Variants in EYA1 observed in about 807,000 individuals in gnomAD.
EYA1 encodes protein phosphatase EYA1.
A neutral mutation model predicts 82.0 loss-of-function variants in EYA1; 16 were observed. The observed-to-expected ratio is 0.20, with a 90% CI of 0.13 to 0.30. The LOEUF (loss-of-function observed/expected upper bound fraction) is 0.30. Ranked by LOEUF, EYA1 falls within the 10% of genes least tolerant of loss-of-function variation. The pLI is 1.00. For missense variants in EYA1, 633 were observed against 730.7 expected (o/e 0.87, Z 1.54); for synonymous variants, 261 against 264.4 (o/e 0.99, Z 0.12).
chr8:71,462,161 G>C (rs1808409645), intron 2 of EYA1, among the ~76,000 whole-genome samples: 1 of 152,112 alleles, frequency 6.6e-6, no homozygotes, highest in Non-Finnish European at 1.5e-5. Context: ...GAGCCTGTCT[G>C]CCTCCTGCCA....
At chr8:71,382,338 C>T (rs1022255279) in intron 2 of EYA1, among the ~76,000 whole-genome samples, 3 of 151,970 alleles carry the variant, frequency 2.0e-5, no homozygotes, top group Non-Finnish European at 4.4e-5. Flanking sequence ...AAAATATACA[C>T]CAATTTGTGA....
chr8:71,250,030 C>T (rs950278381), intron 11 of EYA1, among the ~76,000 whole-genome samples: 7 of 151,654 alleles, frequency 4.6e-5, no homozygotes, highest in African/African-American at 1.7e-4. Flanking sequence ...TTGTTCTTTG[C>T]TTTCTTGTTT....
At chr8:71,202,975 T>G (rs1807251375) in intron 17 of EYA1, among the ~76,000 whole-genome samples, 1 of 152,220 alleles carries the variant, frequency 6.6e-6, no homozygotes, top group Non-Finnish European at 1.5e-5. Flanking sequence ...TTATAAAAGC[T>G]TCTCAGGACA....
chr8:71,501,912 A>G (rs951250414), intron 2 of EYA1, among the ~76,000 whole-genome samples: 2 of 152,358 alleles, frequency 1.3e-5, no homozygotes, highest in East Asian at 3.9e-4. Flanking sequence ...GAACAACAGT[A>G]AACATTGTAT....
intron 12 of EYA1, among the ~76,000 whole-genome samples, chr8:71,231,157 T>C (rs1349382031): frequency 6.6e-6 from 1 of 152,246 alleles, no homozygotes; most frequent in Non-Finnish European, 1.5e-5. Flanking sequence ...CAGACTACTT[T>C]CTCAGTAGCT....
intron 2 of EYA1, among the ~76,000 whole-genome samples, chr8:71,450,101 T>G (rs1807232159): frequency 6.6e-6 from 1 of 152,244 alleles, no homozygotes; most frequent in African/African-American, 2.4e-5. Context: ...ACTCTCTCCA[T>G]ATCAGCAATA....
chr8:71,529,210 C>T (rs1250508308), intron 2 of EYA1, among the ~76,000 whole-genome samples: 1 of 152,126 alleles, frequency 6.6e-6, no homozygotes, highest in East Asian at 1.9e-4. Context: ...AATTGCCTTC[C>T]CAAGTTCAAG....
At chr8:71,523,429 C>T (rs1460133393) in intron 2 of EYA1, among the ~76,000 whole-genome samples, 4 of 151,996 alleles carry the variant, frequency 2.6e-5, no homozygotes, top group East Asian at 3.9e-4. Flanking sequence ...CCACCCGCCT[C>T]GGCCTCCCAA....
At chr8:71,308,861 T>C (rs1419282724) in intron 7 of EYA1, among the ~76,000 whole-genome samples, 1 of 152,140 alleles carries the variant, frequency 6.6e-6, no homozygotes, top group Non-Finnish European at 1.5e-5. Context: ...TTTAGAGCAT[T>C]TTCTAGCACT....
chr8:71,458,471 C>T (rs934965630), intron 2 of EYA1, among the ~76,000 whole-genome samples: 1 of 151,370 alleles, frequency 6.6e-6, no homozygotes, highest in African/African-American at 2.4e-5. Context: ...CCAGGGAATG[C>T]TTTTTTCATC....
intron 2 of EYA1, among the ~76,000 whole-genome samples, chr8:71,502,249 G>A (rs183998817): frequency 6.6e-6 from 1 of 152,326 alleles, no homozygotes; most frequent in East Asian, 1.9e-4. Context: ...TATGTGAGCT[G>A]TGTGAACACT....
chr8:71,283,530 T>C (rs879806407), intron 9 of EYA1, among the ~76,000 whole-genome samples: 1 of 121,322 alleles, frequency 8.2e-6, no homozygotes, highest in Non-Finnish European at 1.8e-5. Context: ...CTCGTTAAAC[T>C]TTTTTTTTTT....
chr8:71,297,348 T>A (rs1220339096), intron 9 of EYA1, among the ~76,000 whole-genome samples: 1 of 152,170 alleles, frequency 6.6e-6, no homozygotes, highest in Non-Finnish European at 1.5e-5. Flanking sequence ...CAAACACTTA[T>A]ATCTGACCAA....
intron 2 of EYA1, among the ~76,000 whole-genome samples, chr8:71,532,200 T>C (rs916351715): frequency 6.6e-6 from 1 of 152,162 alleles, no homozygotes; most frequent in South Asian, 2.1e-4. Flanking sequence ...AGCACCAAGA[T>C]GAAGAATGCA....
chr8:71,258,389 T>A (rs1347637873), intron 11 of EYA1, among the ~76,000 whole-genome samples: 1 of 152,144 alleles, frequency 6.6e-6, no homozygotes, highest in Non-Finnish European at 1.5e-5. Context: ...TTGAGAAGGG[T>A]GCCATTTGGT....
At chr8:71,217,842 CTAAAGCTCTATTGGGCCCAGT>C (rs1277083137) in intron 12 of EYA1, among the ~76,000 whole-genome samples, 3 of 152,194 alleles carry the variant, frequency 2.0e-5, no homozygotes, top group Non-Finnish European at 1.5e-5. Flanking sequence ...TGCTTACAGG[CTAAAGCTCTATTGGGCCCAGT>C]TAACGTTTCT....
chr8:71,217,456 A>G (rs1809352185), intron 12 of EYA1, among the ~76,000 whole-genome samples: 1 of 152,198 alleles, frequency 6.6e-6, no homozygotes, highest in Non-Finnish European at 1.5e-5. Context: ...ATGACCTCTG[A>G]TTGCTGTTGA....
intron 2 of EYA1, among the ~76,000 whole-genome samples, chr8:71,466,654 T>C (rs1808790144): frequency 6.6e-6 from 1 of 152,186 alleles, no homozygotes; most frequent in Admixed American, 6.5e-5. Context: ...GATTTATACC[T>C]CTCGACAAAA....
intron 2 of EYA1, among the ~76,000 whole-genome samples, chr8:71,462,806 C>A (rs1175820667): frequency 6.6e-6 from 1 of 152,162 alleles, no homozygotes; most frequent in Non-Finnish European, 1.5e-5. Context: ...CAGTCAGCTG[C>A]CTCAGGGACA....
Sources: allele counts gnomAD v4.1 joint callset (sites outside exome capture counted in the v4.1 genomes callset), GRCh38; gene constraint gnomAD v4.1.1; transcripts MANE v1.5; gene names NCBI Gene and HGNC (gene_info 2026-07-23, HGNC 2026-07-21).